DYRK2: variants seen among roughly 807,000 people sequenced by gnomAD.
DYRK2 encodes dual specificity tyrosine-phosphorylation-regulated kinase 2.
Under a neutral mutation model 41.6 loss-of-function variants are expected in DYRK2, and 12 were observed. That is an observed-to-expected ratio of 0.29 (90% CI 0.18 to 0.47). DYRK2 has a LOEUF of 0.47. DYRK2 is among the 20% of genes least tolerant of loss of function. The probability of loss-of-function intolerance (pLI) is 1.00; values close to 1 mark genes in which losing one functional copy is unlikely to be tolerated. For missense variants in DYRK2, 678 were observed against 798.4 expected, an observed-to-expected ratio of 0.85 and a Z score of 1.82; for synonymous variants, 322 against 315.7, an observed-to-expected ratio of 1.02 and a Z score of -0.21.
rs1490306059 is a variant in DYRK2 at position 67,661,219 on chromosome 12, A to G, written c.*2506A>G. The G allele has an allele frequency of 6.0e-6, 1 of 166,944 alleles. No homozygotes were observed. Among genetic ancestry groups the G allele is most frequent in the Admixed American group, 6.5e-5 (1 of 15,280 alleles). 10.3% of individuals were successfully genotyped at this position (166,944 alleles called of 1,614,324 possible). ...AGTTTGATTGTCATGTCAAAAAAAG[A>G]AAAATGTTGCATCTTTGTGATTTTA... On this transcript the variant is annotated 3_prime_UTR_variant, in exon 3 of 3. Transcript: ENST00000344096.
At chr12:67,649,296 G>A (rs978728779) in intron 1 of DYRK2, 114 bp downstream of exon 1, 19 of 871,612 alleles carry the variant, frequency 2.2e-5, no homozygotes, top group African/African-American at 1.6e-4. Context: ...GCGGCGCGGC[G>A]CGGGGGAGCC....
At chr12:67,655,106 A>T (rs1236174786) in intron 2 of DYRK2, among the ~76,000 whole-genome samples, 1 of 152,202 alleles carries the variant, frequency 6.6e-6, no homozygotes, top group Non-Finnish European at 1.5e-5. Flanking sequence ...ATTTGTGATC[A>T]TGTATTAAAT....
At position 67,657,376 on chromosome 12, in the gene DYRK2, G is replaced by A; in HGVS notation, c.469G>A (p.Glu157Lys). 1 of 1,614,148 alleles carries A rather than the reference G, an allele frequency of 6.2e-7. No homozygotes were observed. Among genetic ancestry groups the A allele is most frequent in the Non-Finnish European group, 8.5e-7 (1 of 1,180,036 alleles). ...GGTGAAAGCCACCCCCATGACACCT[G>A]AACAAGCAATGAAGCAATACATGCA... ...GKVKATPMTP[E>K]QAMKQYMQKL... The change falls in exon 3 of 3, where the codon GAA becomes AAA. Residue 157 changes from glutamate (E) to lysine (K), a missense_variant. Coordinates refer to ENST00000344096, the MANE Select transcript of DYRK2 (RefSeq NM_006482.3). The surrounding 1 kb of genome is among the most constrained non-coding windows in gnomAD (Gnocchi z 4.8).
rs1179060171 is a variant in DYRK2 at position 67,664,804 on chromosome 12, ATAACT to A, written c.*6095_*6099del. The A allele has an allele frequency of 2.6e-5, 4 of 152,216 alleles. No individual in the cohort carries two copies. Among genetic ancestry groups the A allele is most frequent in the Admixed American group, 6.5e-5 (1 of 15,282 alleles). 9.4% of individuals were successfully genotyped at this position (152,216 alleles called of 1,614,324 possible). On this transcript the variant is annotated 3_prime_UTR_variant, in exon 3 of 3. Transcript: ENST00000344096. Reference sequence around the variant, plus strand: ...GCATCGTAGTGTCTAAGTGCACCTAATAACTTAATGCATGTGCACACACCCTCAGT... The same window carrying A: ...GCATCGTAGTGTCTAAGTGCACCTAATAATGCATGTGCACACACCCTCAGT...
In DYRK2 at chr12:67,663,704, T is replaced by C. The variant is rs1262822673; in HGVS notation, c.*4991T>C. On this transcript the variant is annotated 3_prime_UTR_variant, in exon 3 of 3. Transcript: ENST00000344096. ...AGTGGCAATGTCAATTTAAAATTTC[T>C]TGTCCAGATCTGACTGACTGACTCA... 6.6e-6 allele frequency: 1 copy of C among 152,214 alleles called. No individual in the cohort carries two copies. The highest frequency in any genetic ancestry group is 2.4e-5 in the African/African-American group (1 of 41,464). 9.4% of individuals were successfully genotyped at this position (152,214 alleles called of 1,614,324 possible).
chr12:67,655,460 TCATTTTTATGGACTGCCCTGCTTTTGG>T (rs1208465587), intron 2 of DYRK2, among the ~76,000 whole-genome samples: 1 of 152,200 alleles, frequency 6.6e-6, no homozygotes, highest in Non-Finnish European at 1.5e-5. Flanking sequence ...CTTGCCTGAT[TCATTTTTATGGACTGCCCTGCTTTTGG>T]CATAGAACAA....
rs1872609710 is a variant in DYRK2 at position 67,661,063 on chromosome 12, ATACC to A, written c.*2351_*2354del. 1 of 166,070 alleles carries A rather than the reference ATACC, an allele frequency of 6.0e-6. No individual in the cohort carries two copies. Among genetic ancestry groups the A allele is most frequent in the African/African-American group, 2.4e-5 (1 of 41,284 alleles). 10.3% of individuals were successfully genotyped at this position (166,070 alleles called of 1,614,324 possible). On this transcript the variant is annotated 3_prime_UTR_variant, in exon 3 of 3. Coordinates refer to ENST00000344096, the MANE Select transcript of DYRK2 (RefSeq NM_006482.3). ...TTATAAATGGAAACCGGAAACTTTTATACCAAACTATAATAATGTGCAGCACTGT... is the reference window on the plus strand; with the variant it reads ...TTATAAATGGAAACCGGAAACTTTTAAAACTATAATAATGTGCAGCACTGT...
chr12:67,649,283 T>G (rs1872232448), intron 1 of DYRK2, 101 bp downstream of exon 1: 5 of 988,698 alleles, frequency 5.1e-6, no homozygotes, highest in African/African-American at 1.8e-5. Context: ...TCGAACAAAG[T>G]CGGCGGCGCG....
chr12:67,657,938 TAA>T lies in DYRK2; in HGVS notation c.1032_1033del (p.Ile345SerfsTer3). On this transcript the variant is annotated frameshift_variant, in exon 3 of 3. Transcript: ENST00000344096. LOFTEE classifies it high-confidence loss of function. The surrounding 1 kb of genome is among the most constrained non-coding windows in gnomAD (Gnocchi z 4.8). ...TTGGATGCTTTGCACAAAAACAGAA[TAA>T]TTCACTGTGACCTTAAGCCCGAGAA... 1 of 1,614,218 alleles carries T rather than the reference TAA, an allele frequency of 6.2e-7. No individual in the cohort carries two copies. The highest frequency in any genetic ancestry group is 8.5e-7 in the Non-Finnish European group (1 of 1,180,040).
At position 67,661,320 on chromosome 12, in the gene DYRK2, A is replaced by G. The variant is rs1872618251; in HGVS notation, c.*2607A>G. ...ACAGTTTTTGGTCTCACAGGTTACC[A>G]TTGTTTGGGGATGTCTGAGCTGTTT... On this transcript the variant is annotated 3_prime_UTR_variant, in exon 3 of 3. Coordinates refer to ENST00000344096, the MANE Select transcript of DYRK2 (RefSeq NM_006482.3). 1 of 167,102 alleles carries G rather than the reference A, an allele frequency of 6.0e-6. No individual in the cohort carries two copies. The highest frequency in any genetic ancestry group is 2.4e-5 in the African/African-American group (1 of 41,466). The allele number at this position is 167,102 out of a possible 1,614,324, so 10.4% of individuals were successfully genotyped here.
chr12:67,653,570 GC>G (rs113668626), intron 2 of DYRK2, among the ~76,000 whole-genome samples: 98 of 152,258 alleles, frequency 6.4e-4, no homozygotes, highest in African/African-American at 2.3e-3. Context: ...GAGGTCCTTG[GC>G]CTCCAAGTCT....
chr12:67,661,628 AC>A lies in DYRK2; in HGVS notation c.*2916del, dbSNP rs1318929902. Reference sequence around the variant, plus strand: ...GAATGGAACCCATCTCTGCAAAGATACATCTGTCTTAAATATCTAGTTACAG... The same window carrying A: ...GAATGGAACCCATCTCTGCAAAGATAATCTGTCTTAAATATCTAGTTACAG... On this transcript the variant is annotated 3_prime_UTR_variant, in exon 3 of 3. Coordinates refer to ENST00000344096, the MANE Select transcript of DYRK2 (RefSeq NM_006482.3). 6.0e-6 allele frequency: 1 copy of A among 167,066 alleles called. No homozygotes were observed. The highest frequency in any genetic ancestry group is 1.5e-5 in the Non-Finnish European group (1 of 68,086). 10.3% of individuals were successfully genotyped at this position (167,066 alleles called of 1,614,324 possible).
rs1872616226 is a variant in DYRK2, at chr12:67,661,255, TAATG to T, written c.*2545_*2548del. 6.0e-6 allele frequency: 1 copy of T among 167,102 alleles called. No individual in the cohort carries two copies. The highest frequency in any genetic ancestry group is 2.4e-5 in the African/African-American group (1 of 41,468). The allele number at this position is 167,102 out of a possible 1,614,324, so 10.4% of individuals were successfully genotyped here. On this transcript the variant is annotated 3_prime_UTR_variant, in exon 3 of 3. Transcript: ENST00000344096. ...ATCTTTGTGATTTTAAAACATAAATTAATGAAGGCTCTGATAGGCTATTAGGAGT... is the reference window on the plus strand; with the variant it reads ...ATCTTTGTGATTTTAAAACATAAATTAAGGCTCTGATAGGCTATTAGGAGT...
chr12:67,657,304 C>T lies in DYRK2; in HGVS notation c.397C>T (p.Arg133Trp), dbSNP rs773201871. The change falls in exon 3 of 3, where the codon CGG becomes TGG. Residue 133 changes from arginine to tryptophan, a missense_variant. Around this residue, in one of 2 missense-constraint regions of DYRK2, gnomAD observed 285 missense variants for 279.2 expected, o/e 1.02. Coordinates refer to ENST00000344096, the MANE Select transcript of DYRK2 (RefSeq NM_006482.3). This position sits in a 1 kb window ranked among gnomAD's most constrained non-coding sequence, Gnocchi z 4.8. ...GCGGCAGCTGGACAGCATTCATAGACGGCAGGGGAGCTCCACCTCTCTAAA... is the reference window on the plus strand; with the variant it reads ...GCGGCAGCTGGACAGCATTCATAGATGGCAGGGGAGCTCCACCTCTCTAAA... ...PERQLDSIHR[R>W]QGSSTSLKSM... The T allele has an allele frequency of 6.8e-6, 11 of 1,613,590 alleles. No homozygotes were observed. The highest frequency in any genetic ancestry group is 2.7e-5 in the African/African-American group (2 of 74,868).
At position 67,657,540 on chromosome 12, in the gene DYRK2, G is replaced by A. The variant is rs772488962; in HGVS notation, c.633G>A (p.Val211=). The A allele has an allele frequency of 1.2e-6, 2 of 1,614,094 alleles. No individual in the cohort carries two copies. Among genetic ancestry groups the A allele is most frequent in the Non-Finnish European group, 1.7e-6 (2 of 1,180,004 alleles). ...ATGATGATGACCAGGGATCATATGTGCAGGTGCCCCACGATCACGTGGCTT... is the reference window on the plus strand; with the variant it reads ...ATGATGATGACCAGGGATCATATGTACAGGTGCCCCACGATCACGTGGCTT... ...GGYDDDQGSY[V]QVPHDHVAYR... The change falls in exon 3 of 3, where the codon GTG becomes GTA. Residue 211 remains valine (V), a synonymous_variant. Transcript: ENST00000344096. The surrounding 1 kb of genome is among the most constrained non-coding windows in gnomAD (Gnocchi z 4.8).
chr12:67,654,505 G>T (rs899568896), intron 2 of DYRK2, among the ~76,000 whole-genome samples: 1 of 152,202 alleles, frequency 6.6e-6, no homozygotes, highest in East Asian at 1.9e-4. Flanking sequence ...TTACGATGCT[G>T]CCTCAGTTGT....
rs1872652298 is a variant in DYRK2 at position 67,662,501 on chromosome 12, A to C, written c.*3788A>C. The C allele has an allele frequency of 6.0e-6, 1 of 166,864 alleles. No homozygotes were observed. The highest frequency in any genetic ancestry group is 1.5e-5 in the Non-Finnish European group (1 of 68,086). The allele number at this position is 166,864 out of a possible 1,614,324, so 10.3% of individuals were successfully genotyped here. ...TGTGAGATGCTGCTGTCGCCACTTAACATTAAATATGTTCTAGTGGATTTT... is the reference window on the plus strand; with the variant it reads ...TGTGAGATGCTGCTGTCGCCACTTACCATTAAATATGTTCTAGTGGATTTT... On this transcript the variant is annotated 3_prime_UTR_variant, in exon 3 of 3. Transcript: ENST00000344096.
chr12:67,649,264 T>C, intron 1 of DYRK2, 82 bp downstream of exon 1: 2 of 1,139,948 alleles, frequency 1.8e-6, no homozygotes, highest in Non-Finnish European at 2.2e-6. Flanking sequence ...GGCCGCTGCC[T>C]GCGGGACCTC....
intron 2 of DYRK2, among the ~76,000 whole-genome samples, chr12:67,652,878 G>C (rs964580263): frequency 6.6e-6 from 1 of 152,146 alleles, no homozygotes; most frequent in Non-Finnish European, 1.5e-5. Context: ...TGCCCAGGCT[G>C]GAGTGCAGTG....
Sources: allele counts gnomAD v4.1 joint callset (sites outside exome capture counted in the v4.1 genomes callset), GRCh38; gene constraint gnomAD v4.1.1; regional missense constraint gnomAD v4.1.1; non-coding constraint Gnocchi (gnomAD v3.1); transcripts MANE v1.5; gene names NCBI Gene and HGNC (gene_info 2026-07-23, HGNC 2026-07-21).